The following ANKRD33B variants were observed in gnomAD, a reference collection of about 807,000 sequenced individuals.
The protein encoded by ANKRD33B is ankyrin repeat domain 33B, also known as ankyrin repeat domain-containing protein 33B.
In ANKRD33B, 6 loss-of-function variants were observed where a neutral mutation model predicts 21.5. The observed-to-expected ratio is 0.28, with a 90% CI of 0.15 to 0.55. ANKRD33B has a LOEUF of 0.55. Ranked by LOEUF, ANKRD33B falls within the 20% of genes least tolerant of loss-of-function variation. ANKRD33B has a pLI of 0.94. For synonymous variants in ANKRD33B, 347 were observed against 342.4 expected (o/e 1.01, Z -0.15); for missense variants, 698 against 747.2 (o/e 0.93, Z 0.77).
At chr5:10,587,189 A>G (rs1735585133) in intron 1 of ANKRD33B, among the ~76,000 whole-genome samples, 1 of 151,850 alleles carries the variant, frequency 6.6e-6, no homozygotes, top group African/African-American at 2.4e-5. Context: ...TGATTTTTGT[A>G]TTTTTAGTAG....
chr5:10,625,939 A>G (rs114904696), intron 2 of ANKRD33B, among the ~76,000 whole-genome samples: 1,824 of 152,030 alleles, frequency 0.012, 28 homozygotes, highest in African/African-American at 0.036. Context: ...TTACGGGGGG[A>G]AGGGTAGAGT....
At chr5:10,575,465 G>T (rs1366728302) in intron 1 of ANKRD33B, among the ~76,000 whole-genome samples, 2 of 152,032 alleles carry the variant, frequency 1.3e-5, no homozygotes, top group African/African-American at 4.8e-5. Flanking sequence ...CCATTGTTGG[G>T]CCTTACCTTT....
chr5:10,616,451 T>G (rs1205445638), intron 1 of ANKRD33B, among the ~76,000 whole-genome samples: 1 of 151,334 alleles, frequency 6.6e-6, no homozygotes, highest in East Asian at 1.9e-4. Flanking sequence ...GTAATCCCAG[T>G]TACTTGAGAG....
rs554197659 is a variant in ANKRD33B, at chr5:10,616,754, G to A, written c.367-1579G>A. Among the ~76,000 whole-genome samples the A allele has an allele frequency of 5.3e-5, 8 of 152,188 alleles. No individual in the cohort carries two copies. In the South Asian group the frequency reaches 8.3e-4, roughly 16 times the overall value. On this transcript the variant is annotated intron_variant, in intron 1 of 3. Coordinates refer to ENST00000296657, the MANE Select transcript of ANKRD33B (RefSeq NM_001164440.2). Reference sequence around the variant, plus strand: ...CTCACCGTATCTACGTCTGTGAGGCGGTGAGCCTCACACCTGAGTCTACGC... The same window carrying A: ...CTCACCGTATCTACGTCTGTGAGGCAGTGAGCCTCACACCTGAGTCTACGC...
At chr5:10,637,924 CCAGGGCTGACT>C in intron 2 of ANKRD33B, 93 bp from the exon 3 acceptor site, 1 of 1,339,924 alleles carries the variant, frequency 7.5e-7, no homozygotes, top group South Asian at 1.4e-5. Context: ...ACCGGCTGGC[CCAGGGCTGACT>C]CAGTGTTTCT....
In ANKRD33B at chr5:10,576,586, T is replaced by A. The variant is rs1364776512; in HGVS notation, c.366+11753T>A. Among the ~76,000 whole-genome samples the A allele has an allele frequency of 6.6e-6, 1 of 152,166 alleles. No homozygotes were observed. Among genetic ancestry groups the A allele is most frequent in the Non-Finnish European group, 1.5e-5 (1 of 68,022 alleles). On this transcript the variant is annotated intron_variant, in intron 1 of 3. Coordinates refer to ENST00000296657, the MANE Select transcript of ANKRD33B (RefSeq NM_001164440.2). This position sits in a 1 kb window ranked among gnomAD's most constrained non-coding sequence, Gnocchi z 4.1. ...GGCTTACTATGAAGATAATAACACC[T>A]CCTAGAGGTTCTAGGCAGAACTAAC...
At chr5:10,584,470 G>A (rs1431025227) in intron 1 of ANKRD33B, among the ~76,000 whole-genome samples, 1 of 151,916 alleles carries the variant, frequency 6.6e-6, no homozygotes, top group Non-Finnish European at 1.5e-5. Context: ...CACTTGAGCT[G>A]GAAAGTTGAA....
At position 10,649,580 on chromosome 5, in the gene ANKRD33B, C is replaced by T; in HGVS notation, c.952C>T (p.Pro318Ser). Reference protein sequence around the residue: ...MVRMTTSLYSPAVAIVCQTVC... With the variant: ...MVRMTTSLYSSAVAIVCQTVC... ...CCGGATGACCACGAGCCTCTACAGC[C>T]CCGCCGTGGCCATCGTGTGCCAGAC... The change falls in exon 4 of 4, where the codon CCC becomes TCC. Residue 318 changes from proline to serine, a missense_variant. Pro to Ser is a moderately conservative substitution (Grantham distance 74, BLOSUM62 -1). Around this residue, in one of 3 missense-constraint regions of ANKRD33B, gnomAD observed 543 missense variants for 566.5 expected, o/e 0.96. Transcript: ENST00000296657. The T allele has an allele frequency of 2.6e-6, 4 of 1,528,104 alleles. 1 individual carries two copies. The South Asian group carries it at 3.6e-5, about 14-fold the overall frequency. 94.7% of individuals were successfully genotyped at this position (1,528,104 alleles called of 1,614,324 possible). A position where few individuals can be genotyped will look rare whatever the true frequency, so the allele number is the denominator to read the frequency against.
chr5:10,626,400 C>T (rs1362532767), intron 2 of ANKRD33B, among the ~76,000 whole-genome samples: 4 of 152,232 alleles, frequency 2.6e-5, no homozygotes, highest in Non-Finnish European at 5.9e-5. Context: ...AGTGTTCTTG[C>T]AAGCCCTGGC....
chr5:10,594,845 G>C (rs1440497801), intron 1 of ANKRD33B, among the ~76,000 whole-genome samples: 1 of 152,178 alleles, frequency 6.6e-6, no homozygotes, highest in African/African-American at 2.4e-5. Context: ...CTGCCGTTGA[G>C]CGGGTAGGAA....
At chr5:10,609,250 A>G (rs531761099) in intron 1 of ANKRD33B, among the ~76,000 whole-genome samples, 1 of 152,354 alleles carries the variant, frequency 6.6e-6, no homozygotes, top group Admixed American at 6.5e-5. Context: ...TAATTTGGCC[A>G]CTAGAAAATT....
rs531227723 is a variant in ANKRD33B at position 10,607,831 on chromosome 5, A to C, written c.367-10502A>C. ...TTCCTGCTGGACTGTCTGTGAGTTC[A>C]TCTTCTTATTTAAAGCTCCTTGTTA... On this transcript the variant is annotated intron_variant, in intron 1 of 3. Coordinates refer to ENST00000296657, the MANE Select transcript of ANKRD33B (RefSeq NM_001164440.2). Among the ~76,000 whole-genome samples the C allele has an allele frequency of 9.8e-5, 15 of 152,294 alleles. 1 individual carries two copies. Among genetic ancestry groups the C allele is most frequent in the Admixed American group, 5.9e-4 (9 of 15,284 alleles).
chr5:10,623,021 C>T (rs888124373), intron 2 of ANKRD33B, among the ~76,000 whole-genome samples: 5 of 152,068 alleles, frequency 3.3e-5, no homozygotes, highest in African/African-American at 1.2e-4. Context: ...GTGCAGGCCC[C>T]GCAGCCACTC....
intron 3 of ANKRD33B, among the ~76,000 whole-genome samples, chr5:10,646,708 C>T (rs1737195904): frequency 6.6e-6 from 1 of 152,202 alleles, no homozygotes; most frequent in Admixed American, 6.5e-5. Flanking sequence ...ACTTTTACTG[C>T]CCCCTTTTCA....
At position 10,586,881 on chromosome 5, in the gene ANKRD33B, G is replaced by C. The variant is rs149645236; in HGVS notation, c.366+22048G>C. Reference sequence around the variant, plus strand: ...TTGCCTGGCTTTTAAATCAACAGCAGTATTTACTTAGCTAAGAAATTGGGA... The same window carrying C: ...TTGCCTGGCTTTTAAATCAACAGCACTATTTACTTAGCTAAGAAATTGGGA... On this transcript the variant is annotated intron_variant, in intron 1 of 3. Transcript: ENST00000296657. Among the ~76,000 whole-genome samples, 487 of 152,212 alleles carry C rather than the reference G, an allele frequency of 3.2e-3. 3 individuals carry two copies. Among genetic ancestry groups the C allele is most frequent in the African/African-American group, 0.011 (460 of 41,552 alleles).
chr5:10,641,228 T>TTCTTCTTC (rs1737051430), intron 3 of ANKRD33B, among the ~76,000 whole-genome samples: 4 of 56,858 alleles, frequency 7.0e-5, no homozygotes, highest in Admixed American at 3.4e-4. Flanking sequence ...TCTTCTTCTT[T>TTCTTCTTC]TTTTTTTTTT....
At chr5:10,572,587 C>T (rs1735222846) in intron 1 of ANKRD33B, among the ~76,000 whole-genome samples, 1 of 152,182 alleles carries the variant, frequency 6.6e-6, no homozygotes, top group South Asian at 2.1e-4. Context: ...TGAAACTTAC[C>T]ATCCCCACAA....
chr5:10,639,826 A>C (rs530201553), intron 3 of ANKRD33B, among the ~76,000 whole-genome samples: 3 of 11,388 alleles, frequency 2.6e-4, no homozygotes, highest in Non-Finnish European at 5.9e-4. Context: ...GGTGACGCGG[A>C]GTTGCGCGGC....
Position 10,624,830 on chromosome 5 carries a change from G to A in ANKRD33B, c.496+6368G>A, listed in dbSNP as rs557427429. On this transcript the variant is annotated intron_variant, in intron 2 of 3. Transcript: ENST00000296657. ...GCTGGCTCATGTGAGCATTAACACA[G>A]ATCTGGTGGAAACACAGACTGCCAG... 76 of 456,654 alleles carry A rather than the reference G, an allele frequency of 1.7e-4. 1 individual carries two copies. The highest frequency in any genetic ancestry group is 1.3e-3 in the Middle Eastern group (4 of 3,056). The allele number at this position is 456,654 out of a possible 1,614,324, so 28.3% of individuals were successfully genotyped here. A position where few individuals can be genotyped will look rare whatever the true frequency, so the allele number is the denominator to read the frequency against.
Sources: gnomAD v4.1 joint callset for allele counts (sites outside exome capture counted in the v4.1 genomes callset) on GRCh38, gnomAD v4.1.1 for gene constraint, gnomAD v4.1.1 regional missense constraint, Gnocchi (gnomAD v3.1) non-coding constraint, MANE v1.5 for transcripts, NCBI Gene and HGNC (gene_info 2026-07-23, HGNC 2026-07-21) for gene names.